The following MTMR6 variants were observed in gnomAD, a reference collection of about 807,000 sequenced individuals.
MTMR6 encodes the protein phosphatidylinositol-3,5-bisphosphate 3-phosphatase MTMR6.
A neutral mutation model predicts 80.1 loss-of-function variants in MTMR6; 47 were observed. The ratio of observed to expected loss-of-function variants is 0.59; its 90% CI spans 0.46 to 0.75. The LOEUF is 0.75. MTMR6 is among the 30% of genes least tolerant of loss of function. MTMR6 has a pLI of 0.00. For missense variants in MTMR6, 629 were observed against 730.9 expected (o/e 0.86, Z 1.61); for synonymous variants, 254 against 253.0 (o/e 1.00, Z -0.04).
At position 25,253,869 on chromosome 13, in the gene MTMR6, G is replaced by T. The variant is rs79053319; in HGVS notation, c.1241C>A (p.Ala414Asp). 6,940 of 1,614,064 alleles carry T rather than the reference G, an allele frequency of 4.3e-3. 210 individuals carry two copies. The East Asian group carries it at 0.083, about 19-fold the overall frequency. ...VWHLTEQFPQAFEFSEAFLLQ... is the reference protein window; with the variant it reads ...VWHLTEQFPQDFEFSEAFLLQ... ...AAGAAATGCTTCACTGAATTCAAAG[G>T]CTTGTGGAAACTGTTCGGTCAAATG... The change falls in exon 11 of 14, where the codon GCC becomes GAC. Residue 414 changes from alanine to aspartate, a missense_variant. Physicochemically the swap from Ala to Asp is moderately radical, Grantham distance 126. Transcript: ENST00000381801.
At chr13:25,283,989 A>C (rs1957909832) in intron 1 of MTMR6, among the ~76,000 whole-genome samples, 1 of 152,230 alleles carries the variant, frequency 6.6e-6, no homozygotes, top group Admixed American at 6.5e-5. Context: ...ACAGTTAGTA[A>C]ACCAAATGTG....
Position 25,285,725 on chromosome 13 carries a change from G to A in MTMR6, c.24+1499C>T, listed in dbSNP as rs150080610. Among the ~76,000 whole-genome samples the A allele has an allele frequency of 5.2e-3, 790 of 152,090 alleles. 5 individuals carry two copies. Among genetic ancestry groups the A allele is most frequent in the Non-Finnish European group, 9.7e-3 (657 of 67,996 alleles). On this transcript the variant is annotated intron_variant, in intron 1 of 13. Transcript: ENST00000381801. ...ATTTTTGTATTTTTAGTAGATATGG[G>A]GTTTTGCCAGGTTGTCCAGGCTGGT...
chr13:25,278,709 CAAAAAAAAAAAA>C (rs57589187), intron 1 of MTMR6, among the ~76,000 whole-genome samples: 1 of 55,468 alleles, frequency 1.8e-5, no homozygotes, highest in Non-Finnish European at 3.4e-5. Context: ...CAAGACTCTG[CAAAAAAAAAAAA>C]AAAAAAAAAA....
intron 1 of MTMR6, among the ~76,000 whole-genome samples, chr13:25,281,119 A>T (rs1196324410): frequency 6.6e-6 from 1 of 152,194 alleles, no homozygotes; most frequent in African/African-American, 2.4e-5. Context: ...TGAGACCAGG[A>T]GTCTGAGAAC....
intron 1 of MTMR6, among the ~76,000 whole-genome samples, chr13:25,281,105 T>C (rs1469741058): frequency 1.3e-5 from 2 of 152,150 alleles, no homozygotes; most frequent in Non-Finnish European, 2.9e-5. Flanking sequence ...GCAGGAGGAT[T>C]GCTTGAGACC....
chr13:25,282,235 G>C (rs540905055), intron 1 of MTMR6, among the ~76,000 whole-genome samples: 15 of 152,204 alleles, frequency 9.9e-5, no homozygotes, highest in African/African-American at 3.6e-4. Flanking sequence ...CACCTTCTCT[G>C]TAAGAGCTTC....
At chr13:25,254,890 GA>G (rs201746236) in intron 9 of MTMR6, among the ~76,000 whole-genome samples, 1,509 of 149,258 alleles carry the variant, frequency 0.01, 26 homozygotes, top group African/African-American at 0.033. Flanking sequence ...CTTTTTTTAA[GA>G]AAAAAAAACT....
At chr13:25,268,121 CCCT>C (rs1315398270) in intron 2 of MTMR6, among the ~76,000 whole-genome samples, 180 bp from the exon 3 acceptor site, 1 of 152,126 alleles carries the variant, frequency 6.6e-6, no homozygotes, top group Non-Finnish European at 1.5e-5. Flanking sequence ...TCACTCTGAT[CCCT>C]CCTCCATCAG....
intron 6 of MTMR6, among the ~76,000 whole-genome samples, chr13:25,259,065 T>G (rs907821943): frequency 3.3e-5 from 5 of 152,302 alleles, no homozygotes; most frequent in Admixed American, 3.3e-4. Context: ...GGACTTTCCT[T>G]TTACAGAATG....
intron 1 of MTMR6, among the ~76,000 whole-genome samples, chr13:25,280,014 C>T (rs1957811420): frequency 6.6e-6 from 1 of 152,148 alleles, no homozygotes; most frequent in African/African-American, 2.4e-5. Flanking sequence ...ATGAAGCCAT[C>T]TAAGTGACTG....
chr13:25,247,278 G>A lies in MTMR6; in HGVS notation c.*1954C>T, dbSNP rs929816200. 3 of 152,132 alleles carry A rather than the reference G, an allele frequency of 2.0e-5. No homozygotes were observed. Among genetic ancestry groups the A allele is most frequent in the Non-Finnish European group, 4.4e-5 (3 of 67,924 alleles). The allele number at this position is 152,132 out of a possible 1,614,324, so 9.4% of individuals were successfully genotyped here. A position where few individuals can be genotyped will look rare whatever the true frequency, so the allele number is the denominator to read the frequency against. On this transcript the variant is annotated 3_prime_UTR_variant, in exon 14 of 14. Coordinates refer to ENST00000381801, the MANE Select transcript of MTMR6 (RefSeq NM_004685.5). ...AGAAGAAAAACATTCAAAGTAAAAT[G>A]TGAACATTTAATTACCTTTAAATCA...
intron 13 of MTMR6, 142 bp from the exon 14 acceptor site, chr13:25,249,634 T>C: frequency 2.4e-6 from 2 of 824,348 alleles, no homozygotes. Context: ...AAACATTTAA[T>C]GCATATGACA....
chr13:25,259,745 G>A (rs994736606), intron 6 of MTMR6, among the ~76,000 whole-genome samples: 4 of 151,820 alleles, frequency 2.6e-5, no homozygotes, highest in Non-Finnish European at 5.9e-5. Flanking sequence ...TATTACAATC[G>A]CCTTTTATAT....
At chr13:25,257,594 C>A in intron 8 of MTMR6, 142 bp downstream of exon 8, 1 of 683,944 alleles carries the variant, frequency 1.5e-6, no homozygotes, top group Non-Finnish European at 2.3e-6. Context: ...ATTTTTAAGG[C>A]TGAAAATAAA....
At position 25,267,246 on chromosome 13, in the gene MTMR6, C is replaced by CAA. The variant is rs771144201; in HGVS notation, c.304+531_304+532dup. On this transcript the variant is annotated intron_variant, in intron 3 of 13. Coordinates refer to ENST00000381801, the MANE Select transcript of MTMR6 (RefSeq NM_004685.5). ...TGGGCGAGAGAGTAAGATTCCATCT[C>CAA]AAAAAAAAAAAAAAAAAAAGGTTCT... Among the ~76,000 whole-genome samples, 556 of 66,862 alleles carry CAA rather than the reference C, an allele frequency of 8.3e-3. 4 individuals are homozygous for CAA. The highest frequency in any genetic ancestry group is 0.024 in the African/African-American group (486 of 20,030). The allele number at this position is 66,862 out of a possible 152,430, so 43.9% of individuals were successfully genotyped here.
rs1957001743 is a variant in MTMR6 at position 25,247,443 on chromosome 13, G to A, written c.*1789C>T. 1.3e-5 allele frequency: 2 copies of A among 152,576 alleles called. No individual in the cohort carries two copies. Among genetic ancestry groups the A allele is most frequent in the Admixed American group, 6.5e-5 (1 of 15,270 alleles). The allele number at this position is 152,576 out of a possible 1,614,324, so 9.5% of individuals were successfully genotyped here. On this transcript the variant is annotated 3_prime_UTR_variant, in exon 14 of 14. Coordinates refer to ENST00000381801, the MANE Select transcript of MTMR6 (RefSeq NM_004685.5). ...ATGTAACTGATTTCTCAGTCCACCTGTGAGCATATAAACACACAAATATAT... is the reference window on the plus strand; with the variant it reads ...ATGTAACTGATTTCTCAGTCCACCTATGAGCATATAAACACACAAATATAT...
At chr13:25,262,611 G>A (rs1957364128) in intron 5 of MTMR6, among the ~76,000 whole-genome samples, 1 of 152,110 alleles carries the variant, frequency 6.6e-6, no homozygotes. Flanking sequence ...CAAGCGATCT[G>A]CCCACCTCAC....
At position 25,287,361 on chromosome 13, in the gene MTMR6, C is replaced by T; in HGVS notation, c.-114G>A. 1.4e-6 allele frequency: 2 copies of T among 1,400,600 alleles called. No homozygotes were observed. Among genetic ancestry groups the T allele is most frequent in the East Asian group, 2.5e-5 (1 of 40,040 alleles). 86.8% of individuals were successfully genotyped at this position (1,400,600 alleles called of 1,614,324 possible). A position where few individuals can be genotyped will look rare whatever the true frequency, so the allele number is the denominator to read the frequency against. On this transcript the variant is annotated 5_prime_UTR_variant, in exon 1 of 14. Transcript: ENST00000381801. ...GAACTCCCTCCACCAGCCAGCGCCGCGGGTCTGTCTGCCGGCCCCGGTGGC... is the reference window on the plus strand; with the variant it reads ...GAACTCCCTCCACCAGCCAGCGCCGTGGGTCTGTCTGCCGGCCCCGGTGGC...
intron 5 of MTMR6, 113 bp from the exon 6 acceptor site, chr13:25,261,915 G>T (rs41290732): frequency 1.0e-6 from 1 of 962,080 alleles, no homozygotes; most frequent in Non-Finnish European, 1.5e-6. Context: ...TAATTAGGAG[G>T]CATTAACTTT....
Sources: allele counts gnomAD v4.1 joint callset (sites outside exome capture counted in the v4.1 genomes callset), GRCh38; gene constraint gnomAD v4.1.1; transcripts MANE v1.5; gene names NCBI Gene and HGNC (gene_info 2026-07-23, HGNC 2026-07-21).